CAMTA1: variants seen among roughly 807,000 people sequenced by gnomAD.
CAMTA1 encodes the protein calmodulin binding transcription activator 1, also known as calmodulin-binding transcription activator 1.
A neutral mutation model predicts 170.9 loss-of-function variants in CAMTA1; 27 were observed. That is an observed-to-expected ratio of 0.16 (90% confidence interval 0.12 to 0.22). The LOEUF is 0.22. Ranked by LOEUF, CAMTA1 falls within the 10% of genes least tolerant of loss-of-function variation. The probability of loss-of-function intolerance (pLI) is 1.00; values close to 1 mark genes in which losing one functional copy is unlikely to be tolerated. For synonymous variants in CAMTA1, 833 were observed against 891.5 expected (o/e 0.93, Z 1.17); for missense variants, 1,619 against 2,217.2 (o/e 0.73, Z 5.42).
chr1:7,086,242 C>A (rs1386730958), intron 3 of CAMTA1, among the ~76,000 whole-genome samples: 1 of 152,030 alleles, frequency 6.6e-6, no homozygotes, highest in African/African-American at 2.4e-5. Flanking sequence ...TTCTCAGCAT[C>A]GATGTGGTAT....
intron 3 of CAMTA1, among the ~76,000 whole-genome samples, chr1:6,961,377 G>A (rs890697672): frequency 2.0e-5 from 3 of 152,190 alleles, no homozygotes; most frequent in African/African-American, 7.2e-5. Context: ...TGCACGTCAC[G>A]TCCCTCCCAG....
chr1:7,224,695 C>T lies in CAMTA1; in HGVS notation c.303-24796C>T, dbSNP rs150660774. On this transcript the variant is annotated intron_variant, in intron 4 of 22. Coordinates refer to ENST00000303635, the MANE Select transcript of CAMTA1 (RefSeq NM_015215.4). The surrounding 1 kb of genome is among the most constrained non-coding windows in gnomAD (Gnocchi z 5.2). ...GTCATTGATTGCTAAGGGCAAGGCT[C>T]TAGGGTTAGTGGGGACCTGATGAAA... is the stretch of plus-strand genomic sequence containing the variant. Among the ~76,000 whole-genome samples the T allele has an allele frequency of 7.0e-4, 106 of 152,246 alleles. 1 individual carries two copies. The highest frequency in any genetic ancestry group is 3.4e-3 in the Middle Eastern group (1 of 294).
intron 3 of CAMTA1, among the ~76,000 whole-genome samples, chr1:7,011,735 C>T (rs1004180808): frequency 6.6e-6 from 1 of 152,208 alleles, no homozygotes. Context: ...ACAGTGTAAC[C>T]TCTACAAGGC....
chr1:7,713,670 T>TG (rs1310625333), intron 11 of CAMTA1, among the ~76,000 whole-genome samples: 1 of 152,184 alleles, frequency 6.6e-6, no homozygotes, highest in Non-Finnish European at 1.5e-5. Flanking sequence ...ACCTAGGAAA[T>TG]GCTTCAGCAG....
At chr1:6,814,561 G>T (rs1006278079) in intron 1 of CAMTA1, among the ~76,000 whole-genome samples, 1 of 152,198 alleles carries the variant, frequency 6.6e-6, no homozygotes, top group African/African-American at 2.4e-5. Flanking sequence ...CCCACCAGGA[G>T]CACCTGTTTT....
intron 5 of CAMTA1, among the ~76,000 whole-genome samples, chr1:7,274,900 G>T (rs1361963189): frequency 6.6e-6 from 1 of 152,100 alleles, no homozygotes; most frequent in Admixed American, 6.6e-5. Flanking sequence ...TCAGCACTTT[G>T]GGAGGCCAAA....
intron 3 of CAMTA1, among the ~76,000 whole-genome samples, chr1:6,960,071 A>G (rs1295427229): frequency 6.6e-6 from 1 of 152,236 alleles, no homozygotes; most frequent in Non-Finnish European, 1.5e-5. Flanking sequence ...GTCACCAGGT[A>G]GTTGGTGGCA....
At chr1:7,647,971 C>A (rs2095821129) in intron 7 of CAMTA1, among the ~76,000 whole-genome samples, 1 of 152,148 alleles carries the variant, frequency 6.6e-6, no homozygotes, top group African/African-American at 2.4e-5. Flanking sequence ...GTAGCCCCAG[C>A]TACTTGGGAG....
intron 6 of CAMTA1, among the ~76,000 whole-genome samples, chr1:7,567,994 A>C (rs1037761138): frequency 2.6e-5 from 4 of 152,186 alleles, no homozygotes; most frequent in Admixed American, 2.0e-4. Flanking sequence ...TAAGTGAGTT[A>C]ATAAATAGCA....
chr1:6,903,106 TAAA>T (rs139367114), intron 3 of CAMTA1, among the ~76,000 whole-genome samples: 3 of 152,088 alleles, frequency 2.0e-5, no homozygotes, highest in Admixed American at 6.5e-5. Flanking sequence ...TGCTGAGTAA[TAAA>T]AAAGAATGAA....
chr1:7,337,423 A>G (rs2083455306), intron 5 of CAMTA1, among the ~76,000 whole-genome samples: 2 of 152,204 alleles, frequency 1.3e-5, no homozygotes, highest in Admixed American at 1.3e-4. Context: ...TGTAAATGTG[A>G]TGAACATTTA....
At chr1:7,468,220 T>G (rs936974708) in intron 6 of CAMTA1, among the ~76,000 whole-genome samples, 5 of 152,240 alleles carry the variant, frequency 3.3e-5, no homozygotes, top group African/African-American at 1.2e-4. Flanking sequence ...CCGAGTATCC[T>G]GCCCTGAAAT....
intron 2 of CAMTA1, among the ~76,000 whole-genome samples, chr1:6,823,852 T>G (rs1217790546): frequency 6.6e-6 from 1 of 152,192 alleles, no homozygotes; most frequent in Non-Finnish European, 1.5e-5. Flanking sequence ...CCTGTATACT[T>G]ATGTAAGGTT....
At chr1:7,589,607 C>T (rs2095340066) in intron 6 of CAMTA1, among the ~76,000 whole-genome samples, 1 of 152,176 alleles carries the variant, frequency 6.6e-6, no homozygotes, top group South Asian at 2.1e-4. Flanking sequence ...TTCCCTCGAC[C>T]TCTGTCGCTC....
chr1:7,118,058 G>C (rs935003650), intron 4 of CAMTA1, among the ~76,000 whole-genome samples: 8 of 152,136 alleles, frequency 5.3e-5, no homozygotes, highest in Non-Finnish European at 1.0e-4. Context: ...AAGCCTGGAG[G>C]ACAGGCTGAC....
At chr1:7,706,726 A>G (rs2096528454) in intron 11 of CAMTA1, among the ~76,000 whole-genome samples, 1 of 152,214 alleles carries the variant, frequency 6.6e-6, no homozygotes, top group African/African-American at 2.4e-5. Context: ...ACTGCTGTGT[A>G]TTCCTGAGAG....
chr1:6,899,554 G>GCGCGCACACACA (rs1306510241), intron 3 of CAMTA1, among the ~76,000 whole-genome samples: 3 of 141,178 alleles, frequency 2.1e-5, no homozygotes, highest in Non-Finnish European at 3.1e-5. Context: ...ACGCGCGCGC[G>GCGCGCACACACA]CACACACACA....
intron 11 of CAMTA1, among the ~76,000 whole-genome samples, chr1:7,695,339 C>T (rs544088523): frequency 6.6e-6 from 1 of 152,348 alleles, no homozygotes; most frequent in East Asian, 1.9e-4. Flanking sequence ...GAGCCTGAAG[C>T]TCCAAGGCCC....
At chr1:7,258,031 G>A (rs1558318710) in intron 5 of CAMTA1, among the ~76,000 whole-genome samples, 3 of 152,156 alleles carry the variant, frequency 2.0e-5, no homozygotes, top group South Asian at 2.1e-4. Flanking sequence ...GGGGACTTTC[G>A]TGCTCCCTCT....
Sources: gnomAD v4.1 joint callset for allele counts (sites outside exome capture counted in the v4.1 genomes callset) on GRCh38, gnomAD v4.1.1 for gene constraint, Gnocchi (gnomAD v3.1) non-coding constraint, MANE v1.5 for transcripts, NCBI Gene and HGNC (gene_info 2026-07-23, HGNC 2026-07-21) for gene names.